Variants in PLA2G5 observed in about 807,000 individuals in gnomAD.
PLA2G5 encodes the protein phospholipase A2 group V, also known as Ca2+-dependent phospholipase A2.
A neutral mutation model predicts 15.9 loss-of-function variants in PLA2G5; 12 were observed. The ratio of observed to expected loss-of-function variants is 0.76; its 90% CI spans 0.48 to 1.23. The LOEUF (loss-of-function observed/expected upper bound fraction) is 1.23. PLA2G5 is among the 50% of genes most tolerant of loss of function. The pLI is 0.00. For synonymous variants in PLA2G5, 71 were observed against 71.4 expected, an observed-to-expected ratio of 0.99 and a Z score of 0.03; for missense variants, 169 against 177.1, an observed-to-expected ratio of 0.95 and a Z score of 0.26.
chr1:20,082,842 C>T (rs1329876899), intron 1 of PLA2G5, among the ~76,000 whole-genome samples: 1 of 151,938 alleles, frequency 6.6e-6, no homozygotes, highest in Non-Finnish European at 1.5e-5. Context: ...TGCTCAGAGG[C>T]AGTGGAGTAG....
chr1:20,068,527 C>T (rs1364047505), upstream of PLA2G5, among the ~76,000 whole-genome samples: 1 of 150,712 alleles, frequency 6.6e-6, no homozygotes, highest in Non-Finnish European at 1.5e-5. Context: ...TCTCTGCTCA[C>T]TGTAACCTCC....
intron 2 of PLA2G5, 133 bp from the exon 3 acceptor site, chr1:20,085,950 G>T: frequency 4.9e-6 from 4 of 814,136 alleles, no homozygotes; most frequent in Non-Finnish European, 7.7e-6. Flanking sequence ...TCCCACTAAT[G>T]GAGAGAATAA....
chr1:20,039,365 T>G (rs1320500602), intron 1 of PLA2G5, among the ~76,000 whole-genome samples: 1 of 152,188 alleles, frequency 6.6e-6, no homozygotes, highest in East Asian at 1.9e-4. Flanking sequence ...TCCTCAGGGT[T>G]TCTTCAAGCT....
intron 1 of PLA2G5, among the ~76,000 whole-genome samples, chr1:20,050,644 T>C (rs547935543): frequency 6.6e-6 from 1 of 152,328 alleles, no homozygotes; most frequent in African/African-American, 2.4e-5. Context: ...ATTGGCTTCA[T>C]GCTGTTTTAT....
intron 1 of PLA2G5, among the ~76,000 whole-genome samples, chr1:20,058,054 A>G (rs545377309): frequency 2.0e-5 from 3 of 152,162 alleles, no homozygotes; most frequent in South Asian, 4.1e-4. Context: ...AATGTGGTCT[A>G]TCTTGGTGAG....
chr1:20,084,063 G>A (rs2016165516), intron 1 of PLA2G5, among the ~76,000 whole-genome samples: 1 of 151,872 alleles, frequency 6.6e-6, no homozygotes, highest in African/African-American at 2.4e-5. Flanking sequence ...CATCATAGTT[G>A]TCAAAAATAA....
intron 2 of PLA2G5, among the ~76,000 whole-genome samples, chr1:20,059,903 T>C (rs1372026087): frequency 6.6e-6 from 1 of 152,154 alleles, no homozygotes; most frequent in African/African-American, 2.4e-5. Flanking sequence ...GAAGCAGCCG[T>C]TCCCTTAACA....
chr1:20,078,933 C>A (rs938718980), intron 1 of PLA2G5, among the ~76,000 whole-genome samples: 11 of 136,050 alleles, frequency 8.1e-5, no homozygotes, highest in African/African-American at 1.2e-4. Flanking sequence ...ATGGTGGGAC[C>A]CCGACTCTAT....
chr1:20,044,517 C>T (rs1397849877), intron 1 of PLA2G5, among the ~76,000 whole-genome samples: 9 of 152,188 alleles, frequency 5.9e-5, no homozygotes, highest in Admixed American at 5.9e-4. Flanking sequence ...TGTTGCCAAA[C>T]AAGCCATGGA....
chr1:20,074,464 TA>T (rs2015561375), intron 1 of PLA2G5, among the ~76,000 whole-genome samples: 2 of 152,338 alleles, frequency 1.3e-5, no homozygotes, highest in African/African-American at 4.8e-5. Context: ...AAACATTTTT[TA>T]CAGGATAGAA....
rs11573201 is a variant in PLA2G5 at position 20,071,812 on chromosome 1, A to C, written c.-11+1347A>C. ...AAGACCTTTCTTGGCCACCCTGTTTAAAGTGGCCACTCCAGCCCAGTGTGG... is the reference window on the plus strand; with the variant it reads ...AAGACCTTTCTTGGCCACCCTGTTTCAAGTGGCCACTCCAGCCCAGTGTGG... On this transcript the variant is annotated intron_variant, in intron 1 of 4. Coordinates refer to ENST00000375108, the MANE Select transcript of PLA2G5 (RefSeq NM_000929.3). Among the ~76,000 whole-genome samples, 474 of 152,226 alleles carry C rather than the reference A, an allele frequency of 3.1e-3. 4 individuals carry two copies. Among genetic ancestry groups the C allele is most frequent in the African/African-American group, 0.011 (458 of 41,526 alleles).
chr1:20,068,907 C>G (rs1361526889), upstream of PLA2G5: 5 of 1,286,118 alleles, frequency 3.9e-6, no homozygotes, highest in East Asian at 2.8e-4. Flanking sequence ...ACACACTCCC[C>G]CCTACGTCCT....
At chr1:20,060,608 T>C (rs1322521208) in intron 2 of PLA2G5, among the ~76,000 whole-genome samples, 1 of 151,770 alleles carries the variant, frequency 6.6e-6, no homozygotes, top group Admixed American at 6.6e-5. Context: ...TTAGGCTAGA[T>C]GTAAAGAGCA....
In PLA2G5 at chr1:20,044,755, G is replaced by A. The variant is rs943019750; in HGVS notation, n.277-14877G>A. On this transcript the variant is annotated intron_variant and non_coding_transcript_variant, in intron 1 of 6. Transcript: ENST00000460175. The stretch of plus-strand genomic sequence containing the variant: ...TAGAAGGATTATAGGATGGAGGAGC[G>A]GAGGCTGAGGAAGAATTGGAGCCTG... Among the ~76,000 whole-genome samples the A allele has an allele frequency of 2.0e-4, 31 of 152,202 alleles. No individual in the cohort carries two copies. The East Asian group carries it at 2.9e-3, about 14-fold the overall frequency.
At chr1:20,051,858 G>A (rs645896) in intron 1 of PLA2G5, among the ~76,000 whole-genome samples, 18,559 of 152,058 alleles carry the variant, frequency 0.12, 2,127 homozygotes, top group African/African-American at 0.31. Context: ...AGGCCCAGGA[G>A]CCCCAAGTTT....
intron 1 of PLA2G5, among the ~76,000 whole-genome samples, chr1:20,051,876 A>G (rs1252939151): frequency 1.3e-5 from 2 of 152,200 alleles, no homozygotes; most frequent in Non-Finnish European, 2.9e-5. Context: ...TTTATCTTGG[A>G]ACCTCAAGGG....
At chr1:20,052,766 T>C (rs2014239280) in intron 1 of PLA2G5, among the ~76,000 whole-genome samples, 1 of 152,138 alleles carries the variant, frequency 6.6e-6, no homozygotes, top group Non-Finnish European at 1.5e-5. Context: ...ATCACTAAGC[T>C]AAAGGGAAAA....
intron 3 of PLA2G5, among the ~76,000 whole-genome samples, chr1:20,087,841 C>G (rs562231410): frequency 6.6e-6 from 1 of 152,258 alleles, no homozygotes; most frequent in South Asian, 2.1e-4. Flanking sequence ...GGGGATGTGA[C>G]AAGTGGCACC....
chr1:20,031,780 C>G (rs2012962113), intron 1 of PLA2G5, among the ~76,000 whole-genome samples: 1 of 152,024 alleles, frequency 6.6e-6, no homozygotes, highest in African/African-American at 2.4e-5. Flanking sequence ...ATTAGAATAA[C>G]CTGGTGAGCA....
Sources: allele counts gnomAD v4.1 joint callset (sites outside exome capture counted in the v4.1 genomes callset), GRCh38; gene constraint gnomAD v4.1.1; transcripts MANE v1.5; gene names NCBI Gene and HGNC (gene_info 2026-07-23, HGNC 2026-07-21).